The following CDYL variants were observed in gnomAD, a reference collection of about 807,000 sequenced individuals.
The protein encoded by CDYL is chromodomain Y-like protein.
CDYL carries 8 observed loss-of-function variants against 47.3 expected under a neutral mutation model. That is an observed-to-expected ratio of 0.17 (90% CI 0.10 to 0.31). CDYL has a LOEUF of 0.31. Ranked by LOEUF, CDYL falls within the 10% of genes least tolerant of loss-of-function variation. CDYL has a pLI of 1.00. For missense variants in CDYL, 471 were observed against 701.4 expected, an observed-to-expected ratio of 0.67 and a Z score of 3.71; for synonymous variants, 266 against 265.0, an observed-to-expected ratio of 1.00 and a Z score of -0.04.
At chr6:4,843,754 A>C (rs901870190) in intron 1 of CDYL, among the ~76,000 whole-genome samples, 1 of 151,932 alleles carries the variant, frequency 6.6e-6, no homozygotes, top group Admixed American at 6.6e-5. Flanking sequence ...GGTTTTATTA[A>C]GTTGGACTTT....
chr6:4,833,051 G>T (rs756897810), intron 1 of CDYL, among the ~76,000 whole-genome samples: 11,741 of 146,604 alleles, frequency 0.08, 422 homozygotes, highest in South Asian at 0.12. Context: ...TTTTTGAAGG[G>T]TTTTTTGTGT....
intron 1 of CDYL, among the ~76,000 whole-genome samples, chr6:4,840,823 A>G (rs907030284): frequency 2.0e-5 from 3 of 152,094 alleles, no homozygotes; most frequent in African/African-American, 7.2e-5. Context: ...TTTTGCATCT[A>G]TATTCATCAG....
intron 2 of CDYL, among the ~76,000 whole-genome samples, chr6:4,919,926 A>G (rs1195686692): frequency 7.8e-6 from 1 of 128,480 alleles, no homozygotes; most frequent in African/African-American, 3.8e-5. Context: ...AACATCATCA[A>G]TAGCTAAAAG....
chr6:4,738,337 C>CA (rs1757738686), intron 3 of CDYL, among the ~76,000 whole-genome samples: 1 of 152,138 alleles, frequency 6.6e-6, no homozygotes, highest in Non-Finnish European at 1.5e-5. Context: ...AGATTATACA[C>CA]CATTGCACCT....
chr6:4,946,169 C>A (rs1758510822), intron 5 of CDYL, among the ~76,000 whole-genome samples: 1 of 152,072 alleles, frequency 6.6e-6, no homozygotes, highest in African/African-American at 2.4e-5. Context: ...CCCTGGGTGG[C>A]CAGCGACCAC....
chr6:4,887,504 G>A (rs7771355), intron 1 of CDYL, among the ~76,000 whole-genome samples: 3,061 of 152,050 alleles, frequency 0.02, 116 homozygotes, highest in African/African-American at 0.07. Context: ...ATACAATGCA[G>A]TTATTCCATT....
chr6:4,816,227 A>G (rs1759670928), intron 1 of CDYL, among the ~76,000 whole-genome samples: 1 of 151,364 alleles, frequency 6.6e-6, no homozygotes, highest in Non-Finnish European at 1.5e-5. Context: ...ACTGAGCATC[A>G]AGCACGCAAA....
chr6:4,780,397 CG>C (rs1561847030), intron 1 of CDYL, among the ~76,000 whole-genome samples: 1 of 28,004 alleles, frequency 3.6e-5, no homozygotes, highest in Non-Finnish European at 6.2e-5. Flanking sequence ...CCCCCGCCTA[CG>C]CCCCCCCCCC....
intron 1 of CDYL, among the ~76,000 whole-genome samples, chr6:4,800,108 A>AT (rs1759182717): frequency 6.6e-6 from 1 of 152,102 alleles, no homozygotes. Context: ...AAATAATCGG[A>AT]TAGTCCATGC....
At chr6:4,726,933 A>T (rs1163261227) in intron 2 of CDYL, among the ~76,000 whole-genome samples, 1 of 152,098 alleles carries the variant, frequency 6.6e-6, no homozygotes, top group East Asian at 1.9e-4. Context: ...TGTTGTAAGG[A>T]TTAAATAATA....
chr6:4,939,296 T>G (rs930860719), intron 4 of CDYL, among the ~76,000 whole-genome samples: 6 of 152,126 alleles, frequency 3.9e-5, no homozygotes, highest in Non-Finnish European at 8.8e-5. Context: ...GGGCTCTTTT[T>G]TCTGTTTTGT....
At chr6:4,812,500 A>G (rs1759557818) in intron 1 of CDYL, among the ~76,000 whole-genome samples, 1 of 152,222 alleles carries the variant, frequency 6.6e-6, no homozygotes, top group Non-Finnish European at 1.5e-5. Flanking sequence ...GGTTGTATCA[A>G]TCTGACTCTT....
intron 1 of CDYL, among the ~76,000 whole-genome samples, chr6:4,867,954 C>G (rs1761368171): frequency 6.6e-6 from 1 of 151,732 alleles, no homozygotes; most frequent in South Asian, 2.1e-4. Context: ...GTAGTGATGT[C>G]TCCTCTTTCA....
intron 5 of CDYL, among the ~76,000 whole-genome samples, chr6:4,949,626 C>T (rs1758636046): frequency 6.6e-6 from 1 of 152,258 alleles, no homozygotes; most frequent in Non-Finnish European, 1.5e-5. Flanking sequence ...TCAGCCATCT[C>T]AGAGCAACGT....
At chr6:4,912,601 C>T (rs1418666725) in intron 2 of CDYL, among the ~76,000 whole-genome samples, 5 of 152,232 alleles carry the variant, frequency 3.3e-5, no homozygotes, top group Non-Finnish European at 7.3e-5. Context: ...ATTGTCTTCT[C>T]AGTCCATTTT....
chr6:4,895,631 A>G (rs1252421069), intron 2 of CDYL, among the ~76,000 whole-genome samples: 1 of 152,146 alleles, frequency 6.6e-6, no homozygotes, highest in African/African-American at 2.4e-5. Context: ...TAAGAGCTCT[A>G]GTCCTTAACC....
intron 2 of CDYL, among the ~76,000 whole-genome samples, chr6:4,910,361 G>A (rs909128681): frequency 2.0e-5 from 3 of 152,168 alleles, no homozygotes; most frequent in Non-Finnish European, 2.9e-5. Context: ...GTGGTTTTAT[G>A]GCCAGAAGAG....
At chr6:4,717,839 A>ATTTTTTTTT (rs11450522) in intron 2 of CDYL, among the ~76,000 whole-genome samples, 7 of 144,210 alleles carry the variant, frequency 4.9e-5, no homozygotes, top group Non-Finnish European at 6.0e-5. Context: ...ACCCTGTTAG[A>ATTTTTTTTT]TTTTTTTTTT....
chr6:4,778,439 C>G (rs1442545507), intron 1 of CDYL, among the ~76,000 whole-genome samples: 1 of 152,140 alleles, frequency 6.6e-6, no homozygotes, highest in East Asian at 1.9e-4. Context: ...TGTGCTTATT[C>G]TATATCTTCA....
Sources: allele counts gnomAD v4.1 joint callset (sites outside exome capture counted in the v4.1 genomes callset), GRCh38; gene constraint gnomAD v4.1.1; transcripts MANE v1.5; gene names NCBI Gene and HGNC (gene_info 2026-07-23, HGNC 2026-07-21).